MVP: variants seen among roughly 807,000 people sequenced by gnomAD.
The protein encoded by MVP is lung resistance-related protein.
A neutral mutation model predicts 83.5 loss-of-function variants in MVP; 62 were observed. That is an observed-to-expected ratio of 0.74 (90% CI 0.61 to 0.92). The LOEUF is 0.92. Among genes scored for constraint, MVP ranks in the 40% least tolerant of loss-of-function variants. MVP has a pLI of 0.00. For missense variants in MVP, 1,000 were observed against 1,203.4 expected (o/e 0.83, Z 2.50); for synonymous variants, 505 against 504.1 (o/e 1.00, Z -0.02).
chr16:29,847,512 T>C lies in MVP; in HGVS notation c.2454+127T>C, dbSNP rs866374326. 140 of 963,718 alleles carry C rather than the reference T, an allele frequency of 1.5e-4. No homozygotes were observed. In the Middle Eastern group the frequency reaches 2.6e-3, roughly 18 times the overall value. The allele number at this position is 963,718 out of a possible 1,614,324, so 59.7% of individuals were successfully genotyped here. ...GAGGGGTGAGTGACCTGACCCACGA[T>C]GCAGGGACATTCACACAGTGTCACG... is the stretch of plus-strand genomic sequence containing the variant. On this transcript the variant is annotated intron_variant, in intron 14 of 14. Coordinates refer to ENST00000357402, the MANE Select transcript of MVP (RefSeq NM_005115.5).
intron 14 of MVP, 66 bp downstream of exon 14, chr16:29,847,451 C>T (rs892188243): frequency 5.9e-5 from 84 of 1,432,038 alleles, no homozygotes; most frequent in Middle Eastern, 4.9e-4. Flanking sequence ...AGAGCCAAGG[C>T]GGAAAACACA....
chr16:29,824,900 CTTT>C (rs753917886), intron 1 of MVP, among the ~76,000 whole-genome samples: 3 of 144,904 alleles, frequency 2.1e-5, no homozygotes, highest in African/African-American at 5.0e-5. Context: ...CGGTCTCCCT[CTTT>C]TTTTTTTTTT....
chr16:29,844,645 C>T lies in MVP; in HGVS notation c.1787C>T (p.Ala596Val), dbSNP rs757001465. The change falls in exon 11 of 15, where the codon GCC becomes GTC. Residue 596 changes from alanine (A) to valine (V), a missense_variant. Ala to Val is a moderately conservative substitution (Grantham distance 64). Transcript: ENST00000357402. Reference sequence around the variant, plus strand: ...TTCGATGACTTCCATAAGAACTCAGCCCGCATCATTCGCACTGCTGTCTTT... The same window carrying T: ...TTCGATGACTTCCATAAGAACTCAGTCCGCATCATTCGCACTGCTGTCTTT... ...VTFDDFHKNS[A>V]RIIRTAVFGF... 2.5e-6 allele frequency: 4 copies of T among 1,614,070 alleles called. No individual in the cohort carries two copies. The highest frequency in any genetic ancestry group is 1.3e-5 in the African/African-American group (1 of 74,958).
At chr16:29,826,054 C>T (rs778668292) in intron 1 of MVP, 1 of 152,258 alleles carries the variant, frequency 6.6e-6, no homozygotes, top group Non-Finnish European at 1.5e-5. Context: ...AGCCACTGAC[C>T]AGTAAACAAC....
chr16:29,834,022 C>G lies in MVP; in HGVS notation c.533C>G (p.Ala178Gly). 6.2e-7 allele frequency: 1 copy of G among 1,614,036 alleles called. No individual in the cohort carries two copies. Among genetic ancestry groups the G allele is most frequent in the South Asian group, 1.1e-5 (1 of 91,050 alleles). The change falls in exon 5 of 15, where the codon GCC becomes GGC. Residue 178 changes from alanine (A) to glycine (G), a missense_variant. Transcript: ENST00000357402. ...IRQNQALRLR[A>G]RKECWDRDGK... ...CAGAACCAGGCTCTGCGGCTCAGGG[C>G]CCGCAAGGAGTGCTGGGACCGGGAC...
At chr16:29,831,590 C>T in intron 3 of MVP, 4 of 456,172 alleles carry the variant, frequency 8.8e-6, no homozygotes, top group South Asian at 6.2e-5. Flanking sequence ...CCACACATGC[C>T]CCAAACACAC....
rs1347920065 is a variant in MVP at position 29,831,065 on chromosome 16, C to G, written c.313C>G (p.Leu105Val). ...DPFPLYPGEV[L>V]EKDITPLQVV... ...CTTCCCCCTGTACCCAGGGGAGGTG[C>G]TGGAAAAGGTACCTGGTTTCCTCAC... The change falls in exon 3 of 15, where the codon CTG (leucine) becomes GTG (valine). Residue 105 changes from leucine to valine, a missense_variant. Leu to Val is a conservative substitution (Grantham distance 32, BLOSUM62 1). Transcript: ENST00000357402. 1.1e-5 allele frequency: 17 copies of G among 1,611,600 alleles called. No homozygotes were observed. The highest frequency in any genetic ancestry group is 1.4e-5 in the Non-Finnish European group (17 of 1,179,746).
rs199714267 is a variant in MVP at position 29,834,085 on chromosome 16, G to A, written c.577+19G>A. 263 of 1,610,674 alleles carry A rather than the reference G, an allele frequency of 1.6e-4. No homozygotes were observed. The highest frequency in any genetic ancestry group is 2.1e-4 in the Non-Finnish European group (246 of 1,178,632). On this transcript the variant is annotated intron_variant, in intron 5 of 14. Coordinates refer to ENST00000357402, the MANE Select transcript of MVP (RefSeq NM_005115.5). Reference sequence around the variant, plus strand: ...GTGACAGGTGGGGTCACCAAGGGGCGATGATGGTGGGTGGGCAGGAGGGGT... The same window carrying A: ...GTGACAGGTGGGGTCACCAAGGGGCAATGATGGTGGGTGGGCAGGAGGGGT...
chr16:29,842,548 G>A (rs913924999), intron 10 of MVP, among the ~76,000 whole-genome samples: 23 of 152,078 alleles, frequency 1.5e-4, no homozygotes, highest in Non-Finnish European at 2.9e-4. Context: ...CAGGTGATCC[G>A]CCTGCCTCGG....
rs201685626 is a variant in MVP at position 29,844,716 on chromosome 16, C to T, written c.1858C>T (p.Pro620Ser). 867 of 1,613,696 alleles carry T rather than the reference C, an allele frequency of 5.4e-4. 1 individual carries two copies. Among genetic ancestry groups the T allele is most frequent in the Non-Finnish European group, 6.7e-4 (787 of 1,179,994 alleles). The stretch of plus-strand genomic sequence containing the variant: ...GAAGGGCCCCGATGGCATGGCCCTG[C>T]CCAGGCCCCGGGACCAGGCTGTCTT... Reference protein sequence around the residue: ...EAKGPDGMALPRPRDQAVFPQ... With the variant: ...EAKGPDGMALSRPRDQAVFPQ... The change falls in exon 11 of 15, where the codon CCC (proline) becomes TCC (serine). Residue 620 changes from proline to serine, a missense_variant. By Grantham distance (74) the Pro-to-Ser change is moderately conservative. Coordinates refer to ENST00000357402, the MANE Select transcript of MVP (RefSeq NM_005115.5).
In MVP at chr16:29,841,231, C is replaced by G. The variant is rs541432831; in HGVS notation, c.1192-365C>G. Among the ~76,000 whole-genome samples, 1 of 152,292 alleles carries G rather than the reference C, an allele frequency of 6.6e-6. No individual in the cohort carries two copies. The highest frequency in any genetic ancestry group is 2.1e-4 in the South Asian group (1 of 4,824). Reference sequence around the variant, plus strand: ...CCGTGTACACAGCCTACTTCACCATCCCCGAGGTGCCCTCCAAACTGCCCC... The same window carrying G: ...CCGTGTACACAGCCTACTTCACCATGCCCGAGGTGCCCTCCAAACTGCCCC... On this transcript the variant is annotated intron_variant, in intron 8 of 14. Coordinates refer to ENST00000357402, the MANE Select transcript of MVP (RefSeq NM_005115.5). This position sits in a 1 kb window ranked among gnomAD's most constrained non-coding sequence, Gnocchi z 4.7.
Position 29,844,657 on chromosome 16 carries a change from G to T in MVP, c.1799G>T (p.Arg600Leu), listed in dbSNP as rs148167046. The change falls in exon 11 of 15, where the codon CGC becomes CTC. Residue 600 changes from arginine (R) to leucine (L), a missense_variant. Transcript: ENST00000357402. ...CATAAGAACTCAGCCCGCATCATTC[G>T]CACTGCTGTCTTTGGCTTTGAGACC... ...DFHKNSARII[R>L]TAVFGFETSE... 6 of 1,614,014 alleles carry T rather than the reference G, an allele frequency of 3.7e-6. No homozygotes were observed. The African/African-American group carries it at 4.0e-5, about 11-fold the overall frequency.
chr16:29,840,036 G>A lies in MVP; in HGVS notation c.910-142G>A, dbSNP rs552952681. 1.5e-3 allele frequency: 1,129 copies of A among 760,216 alleles called. 1 individual carries two copies. The highest frequency in any genetic ancestry group is 1.7e-3 in the Non-Finnish European group (827 of 479,416). The allele number at this position is 760,216 out of a possible 1,614,324, so 47.1% of individuals were successfully genotyped here. On this transcript the variant is annotated intron_variant, in intron 7 of 14. Transcript: ENST00000357402. The stretch of plus-strand genomic sequence containing the variant: ...CTCACAGTCCAGACAGTGCCTCACC[G>A]TATTATGATGTGGGGGTGGGGGCGG...
At position 29,846,164 on chromosome 16, in the gene MVP, C is replaced by G. The variant is rs764751958; in HGVS notation, c.2145C>G (p.Ala715=). Residue 715 remains alanine, a synonymous_variant, in exon 13 of 15, where the codon GCC becomes GCG. Coordinates refer to ENST00000357402, the MANE Select transcript of MVP (RefSeq NM_005115.5). The part of the protein sequence containing the change: ...ELLELEALSM[A]VESTGTAKAE... ...GACTCTGCCTTCTCCCCAGCATGGC[C>G]GTGGAGAGCACCGGGACTGCCAAGG... is the stretch of plus-strand genomic sequence containing the variant. The G allele has an allele frequency of 2.5e-6, 4 of 1,610,802 alleles. No homozygotes were observed. The highest frequency in any genetic ancestry group is 1.8e-4 in the Middle Eastern group (1 of 5,640).
rs182527453 is a variant in MVP, at chr16:29,826,600, C to A, written c.-35-3915C>A. Among the ~76,000 whole-genome samples the A allele has an allele frequency of 1.5e-3, 175 of 113,854 alleles. 2 individuals carry two copies. The highest frequency in any genetic ancestry group is 5.5e-3 in the African/African-American group (170 of 30,734). 74.7% of individuals were successfully genotyped at this position (113,854 alleles called of 152,430 possible). On this transcript the variant is annotated intron_variant, in intron 1 of 14. Transcript: ENST00000357402. ...TGTGATCACTGCACTCCAGCCTGGG[C>A]AACAAAGTAAGACCTTATCTCAAAA...
Position 29,845,846 on chromosome 16 carries a change from C to A in MVP, c.2022-17C>A. ...TGGCCCCATGCCAGCCTCTCACCTG[C>A]GCTCCGTCTCCTCCAGGCATGAGGC... On this transcript the variant is annotated splice_polypyrimidine_tract_variant and intron_variant, in intron 11 of 14. Coordinates refer to ENST00000357402, the MANE Select transcript of MVP (RefSeq NM_005115.5). 1.9e-6 allele frequency: 3 copies of A among 1,610,534 alleles called. No individual in the cohort carries two copies. The highest frequency in any genetic ancestry group is 2.5e-6 in the Non-Finnish European group (3 of 1,177,354).
rs768482723 is a variant in MVP, at chr16:29,844,601, G to A, written c.1743G>A (p.Gly581=). Residue 581 remains glycine, a synonymous_variant, in exon 11 of 15, where the codon GGG becomes GGA. Coordinates refer to ENST00000357402, the MANE Select transcript of MVP (RefSeq NM_005115.5). The part of the protein sequence containing the change: ...ACKAIASRVR[G]AVASVTFDDF... Reference sequence around the variant, plus strand: ...AAGCCATCGCATCCCGGGTGCGGGGGGCCGTGGCCTCTGTCACTTTCGATG... The same window carrying A: ...AAGCCATCGCATCCCGGGTGCGGGGAGCCGTGGCCTCTGTCACTTTCGATG... 37 of 1,613,568 alleles carry A rather than the reference G, an allele frequency of 2.3e-5. No homozygotes were observed. Among genetic ancestry groups the A allele is most frequent in the Non-Finnish European group, 2.5e-6 (3 of 1,179,762 alleles).
chr16:29,842,024 C>G lies in MVP; in HGVS notation c.1546C>G (p.Leu516Val). 1 of 1,611,566 alleles carries G rather than the reference C, an allele frequency of 6.2e-7. No individual in the cohort carries two copies. The highest frequency in any genetic ancestry group is 2.2e-5 in the East Asian group (1 of 44,876). The part of the protein sequence containing the change: ...KRPHARRALC[L>V]LLGPDFFTDV... ...TCCCCATGCCCGCCGTGCGCTCTGC[C>G]TGCTGCTGGGGCCTGACTTCTTCAC... The change falls in exon 10 of 15, where the codon CTG (leucine) becomes GTG (valine). Residue 516 changes from leucine (L) to valine (V), a missense_variant. By Grantham distance (32) the Leu-to-Val change is conservative (BLOSUM62 1). Transcript: ENST00000357402.
chr16:29,832,613 T>C lies in MVP; in HGVS notation c.322-1120T>C, dbSNP rs77835951. On this transcript the variant is annotated intron_variant, in intron 3 of 14. Transcript: ENST00000357402. The stretch of plus-strand genomic sequence containing the variant: ...CGCCTGGCCTTTTTTTTTTTTTTTT[T>C]TTCTGGATCTCCCCCTGTTGCCTAG... 8.1e-5 allele frequency among the ~76,000 whole-genome samples: 12 copies of C among 148,904 alleles called. No homozygotes were observed. In the East Asian group the frequency reaches 2.4e-3, roughly 30 times the overall value.
Sources: gnomAD v4.1 joint callset for allele counts (sites outside exome capture counted in the v4.1 genomes callset) on GRCh38, gnomAD v4.1.1 for gene constraint, Gnocchi (gnomAD v3.1) non-coding constraint, MANE v1.5 for transcripts, NCBI Gene and HGNC (gene_info 2026-07-23, HGNC 2026-07-21) for gene names.